Variants in KCNAB1 observed in about 807,000 individuals in gnomAD.
KCNAB1 encodes voltage-gated potassium channel subunit beta-1.
In KCNAB1, 35 loss-of-function variants were observed where a neutral mutation model predicts 64.6. That is an observed-to-expected ratio of 0.54 (90% CI 0.41 to 0.72). The LOEUF (loss-of-function observed/expected upper bound fraction) is 0.72. KCNAB1 is among the 30% of genes least tolerant of loss of function. KCNAB1 has a pLI of 0.00. For missense variants in KCNAB1, 401 were observed against 512.9 expected (o/e 0.78, Z 2.11); for synonymous variants, 177 against 183.8 (o/e 0.96, Z 0.30).
chr3:156,511,985 T>A (rs1717245272), intron 8 of KCNAB1, among the ~76,000 whole-genome samples: 1 of 152,204 alleles, frequency 6.6e-6, no homozygotes, highest in African/African-American at 2.4e-5. Flanking sequence ...TCTTCCACTG[T>A]TCTTCACAAG....
chr3:156,182,636 C>CA (rs1560124887), intron 1 of KCNAB1, among the ~76,000 whole-genome samples: 3 of 151,662 alleles, frequency 2.0e-5, no homozygotes, highest in Admixed American at 6.6e-5. Context: ...TTTTCCCCCC[C>CA]CCGGGTCTTA....
intron 1 of KCNAB1, among the ~76,000 whole-genome samples, chr3:156,142,228 AT>A (rs1714749371): frequency 6.6e-6 from 1 of 152,190 alleles, no homozygotes; most frequent in African/African-American, 2.4e-5. Context: ...TTCACGTGGT[AT>A]TTCATAGAGC....
At chr3:156,351,052 A>G (rs1158033754) in intron 1 of KCNAB1, among the ~76,000 whole-genome samples, 1 of 152,222 alleles carries the variant, frequency 6.6e-6, no homozygotes, top group Non-Finnish European at 1.5e-5. Context: ...GCGGTGGGAG[A>G]ACAACCTAAT....
At chr3:156,220,116 A>G (rs1715614685) in intron 1 of KCNAB1, among the ~76,000 whole-genome samples, 1 of 152,124 alleles carries the variant, frequency 6.6e-6, no homozygotes, top group Non-Finnish European at 1.5e-5. Context: ...CCAGTCTATA[A>G]TTGTTGGACA....
intron 1 of KCNAB1, among the ~76,000 whole-genome samples, chr3:156,135,416 G>A (rs1001502552): frequency 6.6e-6 from 1 of 152,094 alleles, no homozygotes; most frequent in Non-Finnish European, 1.5e-5. Flanking sequence ...TGTCCACTAA[G>A]CCCATGCTCC....
chr3:156,183,843 A>G (rs944520217), intron 1 of KCNAB1, among the ~76,000 whole-genome samples: 3 of 152,236 alleles, frequency 2.0e-5, no homozygotes, highest in African/African-American at 7.2e-5. Context: ...GAGAAAAAGT[A>G]TAAGTATAAA....
chr3:156,284,528 A>C (rs529794346), intron 1 of KCNAB1, among the ~76,000 whole-genome samples: 1 of 152,262 alleles, frequency 6.6e-6, no homozygotes, highest in Non-Finnish European at 1.5e-5. Context: ...TTGTTTACCT[A>C]ATCAAGCCTG....
intron 2 of KCNAB1, among the ~76,000 whole-genome samples, chr3:156,428,730 G>A (rs1716007166): frequency 6.6e-6 from 1 of 152,158 alleles, no homozygotes; most frequent in Admixed American, 6.5e-5. Flanking sequence ...TAAACCTAAT[G>A]TAAAATACCG....
rs528755174 is a variant in KCNAB1, at chr3:156,233,003, G to A, written c.275+112117G>A. On this transcript the variant is annotated intron_variant, in intron 1 of 13. Coordinates refer to ENST00000490337, the MANE Select transcript of KCNAB1 (RefSeq NM_172160.3). ...CCTGTGGATTATTATACCTCTTCTA[G>A]AGGATGGTCCATGCCTGGCAGAAGT... 3.3e-5 allele frequency among the ~76,000 whole-genome samples: 5 copies of A among 152,150 alleles called. No homozygotes were observed. In the South Asian group the frequency reaches 1.0e-3, roughly 32 times the overall value.
chr3:156,514,624 C>A (rs1051910458), intron 9 of KCNAB1, among the ~76,000 whole-genome samples, 175 bp downstream of exon 9: 4 of 152,170 alleles, frequency 2.6e-5, no homozygotes, highest in African/African-American at 9.7e-5. Context: ...CTCATCCGTT[C>A]AGAATACAAC....
chr3:156,285,710 C>G (rs1720063192), intron 1 of KCNAB1, among the ~76,000 whole-genome samples: 1 of 151,738 alleles, frequency 6.6e-6, no homozygotes, highest in Non-Finnish European at 1.5e-5. Context: ...ACCATGTTGC[C>G]CAGGCTGGTC....
chr3:156,426,796 T>C (rs1035220929), intron 2 of KCNAB1, among the ~76,000 whole-genome samples: 2 of 152,236 alleles, frequency 1.3e-5, no homozygotes, highest in African/African-American at 2.4e-5. Context: ...TGTCTTTTCA[T>C]AGTTTGATAG....
intron 1 of KCNAB1, among the ~76,000 whole-genome samples, chr3:156,205,980 G>T (rs1359648048): frequency 6.6e-6 from 1 of 152,150 alleles, no homozygotes; most frequent in Non-Finnish European, 1.5e-5. Flanking sequence ...ATGCTGTTTT[G>T]TTTGCCGGGA....
chr3:156,272,708 G>A (rs911369748), intron 1 of KCNAB1, among the ~76,000 whole-genome samples: 3 of 152,010 alleles, frequency 2.0e-5, no homozygotes, highest in South Asian at 2.1e-4. Flanking sequence ...CCCCACTGTC[G>A]CCAAGCTGGT....
intron 1 of KCNAB1, among the ~76,000 whole-genome samples, chr3:156,368,362 A>G (rs1238724488): frequency 6.6e-6 from 1 of 152,182 alleles, no homozygotes; most frequent in Non-Finnish European, 1.5e-5. Flanking sequence ...TGATCCGTTC[A>G]AAGGGGATGA....
In KCNAB1 at chr3:156,255,910, C is replaced by T. The variant is rs554960369; in HGVS notation, c.275+135024C>T. On this transcript the variant is annotated intron_variant, in intron 1 of 13. Coordinates refer to ENST00000490337, the MANE Select transcript of KCNAB1 (RefSeq NM_172160.3). Reference sequence around the variant, plus strand: ...TGTCTTTCTCATGTGACTGTGTAAGCTGCTTAAGGGGAAAATGGGTCTTAT... The same window carrying T: ...TGTCTTTCTCATGTGACTGTGTAAGTTGCTTAAGGGGAAAATGGGTCTTAT... 5.3e-5 allele frequency among the ~76,000 whole-genome samples: 8 copies of T among 152,306 alleles called. No individual in the cohort carries two copies. In the South Asian group the frequency reaches 8.3e-4, roughly 16 times the overall value.
intron 1 of KCNAB1, among the ~76,000 whole-genome samples, chr3:156,173,115 C>T (rs1186464588): frequency 2.6e-5 from 4 of 152,190 alleles, no homozygotes; most frequent in South Asian, 4.1e-4. Context: ...ATCTGAATGT[C>T]GGATGCCTCA....
At position 156,312,703 on chromosome 3, in the gene KCNAB1, C is replaced by CAAAAAAA. The variant is rs397991453; in HGVS notation, c.276-108891_276-108885dup. Among the ~76,000 whole-genome samples, 254 of 27,420 alleles carry CAAAAAAA rather than the reference C, an allele frequency of 9.3e-3. 28 individuals carry two copies. The highest frequency in any genetic ancestry group is 0.014 in the African/African-American group (120 of 8,426). The allele number at this position is 27,420 out of a possible 152,430, so 18.0% of individuals were successfully genotyped here. A position where few individuals can be genotyped will look rare whatever the true frequency, so the allele number is the denominator to read the frequency against. On this transcript the variant is annotated intron_variant, in intron 1 of 13. Coordinates refer to ENST00000490337, the MANE Select transcript of KCNAB1 (RefSeq NM_172160.3). ...CTAGGTGACAGAGTGAGACTGTCTC[C>CAAAAAAA]AAAAAAAAAAAAAAAAAAAAAAAAA...
chr3:156,288,225 C>T (rs1382420297), intron 1 of KCNAB1, among the ~76,000 whole-genome samples: 1 of 152,184 alleles, frequency 6.6e-6, no homozygotes, highest in Admixed American at 6.5e-5. Context: ...TAGGGCCCAC[C>T]CATATGACCT....
Sources: allele counts gnomAD v4.1 joint callset (sites outside exome capture counted in the v4.1 genomes callset), GRCh38; gene constraint gnomAD v4.1.1; transcripts MANE v1.5; gene names NCBI Gene and HGNC (gene_info 2026-07-23, HGNC 2026-07-21).